The following CNTLN variants were observed in gnomAD, a reference collection of about 807,000 sequenced individuals.
CNTLN encodes the protein centlein, centrosomal protein.
A neutral mutation model predicts 180.0 loss-of-function variants in CNTLN; 212 were observed. The observed-to-expected ratio is 1.18, with a 90% confidence interval of 1.05 to 1.32. CNTLN has a LOEUF of 1.32. Ranked by LOEUF, CNTLN falls within the 40% of genes most tolerant of loss-of-function variation. The probability of loss-of-function intolerance (pLI) is 0.00; values close to 1 mark genes in which losing one functional copy is unlikely to be tolerated. For synonymous variants in CNTLN, 722 were observed against 563.1 expected (o/e 1.28, Z -3.99); for missense variants, 2,095 against 1,610.9 (o/e 1.30, Z -5.14).
chr9:17,214,484 A>G (rs1587184311), intron 2 of CNTLN, among the ~76,000 whole-genome samples: 2 of 152,202 alleles, frequency 1.3e-5, no homozygotes, highest in East Asian at 1.9e-4. Flanking sequence ...GGCTGCCCTT[A>G]ATATTTTTTC....
At chr9:17,307,972 CCACACACACACACACACA>C (rs3837233) in intron 7 of CNTLN, among the ~76,000 whole-genome samples, 26 of 137,908 alleles carry the variant, frequency 1.9e-4, no homozygotes, top group South Asian at 5.1e-4. Context: ...GCCTTTAAAA[CCACACACACACACACACA>C]CACACACACA....
intron 12 of CNTLN, among the ~76,000 whole-genome samples, chr9:17,356,662 C>G (rs949686628): frequency 6.6e-6 from 1 of 152,082 alleles, no homozygotes; most frequent in Non-Finnish European, 1.5e-5. Context: ...TTTTGCTTTC[C>G]TTTGTTACTT....
At chr9:17,239,453 A>G (rs1825357404) in intron 5 of CNTLN, among the ~76,000 whole-genome samples, 1 of 151,854 alleles carries the variant, frequency 6.6e-6, no homozygotes, top group Non-Finnish European at 1.5e-5. Context: ...GTGTTCTTAA[A>G]ATACCAGGTT....
intron 12 of CNTLN, among the ~76,000 whole-genome samples, chr9:17,355,000 C>A (rs1217148455): frequency 6.6e-6 from 1 of 151,800 alleles, no homozygotes; most frequent in African/African-American, 2.4e-5. Context: ...AGGTCTGCAG[C>A]TTCACTCCTG....
intron 2 of CNTLN, among the ~76,000 whole-genome samples, chr9:17,204,514 C>A (rs1822776964): frequency 6.6e-6 from 1 of 152,290 alleles, no homozygotes; most frequent in South Asian, 2.1e-4. Flanking sequence ...TGGAGAACAG[C>A]AGTGATTGCT....
chr9:17,194,110 A>G (rs896998758), intron 2 of CNTLN, among the ~76,000 whole-genome samples: 1 of 151,724 alleles, frequency 6.6e-6, no homozygotes, highest in Non-Finnish European at 1.5e-5. Flanking sequence ...CCACAAAACC[A>G]TTTTCTCCTA....
At chr9:17,372,881 G>A (rs1824444752) in intron 13 of CNTLN, among the ~76,000 whole-genome samples, 1 of 152,062 alleles carries the variant, frequency 6.6e-6, no homozygotes, top group Non-Finnish European at 1.5e-5. Flanking sequence ...AAAAACCATA[G>A]GATCATTTTA....
intron 6 of CNTLN, among the ~76,000 whole-genome samples, chr9:17,282,285 C>G (rs1349167177): frequency 6.6e-6 from 1 of 152,118 alleles, no homozygotes; most frequent in Admixed American, 6.6e-5. Context: ...TCCATTCTGA[C>G]TGGTGTGAGA....
intron 18 of CNTLN, among the ~76,000 whole-genome samples, chr9:17,429,374 A>G (rs1274851752): frequency 6.6e-6 from 1 of 152,068 alleles, no homozygotes; most frequent in Non-Finnish European, 1.5e-5. Context: ...GTATGACTAT[A>G]TTCGCTACAG....
In CNTLN at chr9:17,226,230, C is replaced by T; in HGVS notation, c.477C>T (p.Asp159=). Residue 159 remains aspartate, a synonymous_variant, in exon 3 of 26, where the codon GAC becomes GAT. Coordinates refer to ENST00000380647, the MANE Select transcript of CNTLN (RefSeq NM_017738.4). ...EREKQKSEAK[D]RKVLEILQVK... ...AAAAACAGAAATCTGAAGCTAAAGA[C>T]AGAAAAGTTCTAGAAATTCTGCAAG... 6.3e-7 allele frequency: 1 copy of T among 1,578,800 alleles called. No individual in the cohort carries two copies. Among genetic ancestry groups the T allele is most frequent in the Non-Finnish European group, 8.6e-7 (1 of 1,162,528 alleles).
intron 25 of CNTLN, among the ~76,000 whole-genome samples, chr9:17,498,457 T>A (rs1453681013): frequency 6.6e-6 from 1 of 152,124 alleles, no homozygotes; most frequent in East Asian, 1.9e-4. Flanking sequence ...AAAATCTGTG[T>A]GAAATCAGGG....
At chr9:17,365,434 T>G (rs893262598) in intron 12 of CNTLN, among the ~76,000 whole-genome samples, 2 of 152,110 alleles carry the variant, frequency 1.3e-5, no homozygotes, top group African/African-American at 4.8e-5. Flanking sequence ...AGGTTTTTTT[T>G]ATAGCAAAGT....
chr9:17,385,850 G>A (rs377658347), intron 13 of CNTLN, among the ~76,000 whole-genome samples: 12 of 152,164 alleles, frequency 7.9e-5, no homozygotes, highest in African/African-American at 1.9e-4. Context: ...AGGGACTTGA[G>A]CATGGTTGGA....
At position 17,402,976 on chromosome 9, in the gene CNTLN, C is replaced by T. The variant is rs146871746; in HGVS notation, c.2616-6317C>T. Among the ~76,000 whole-genome samples the T allele has an allele frequency of 1.1e-3, 166 of 151,860 alleles. 1 individual carries two copies. Among genetic ancestry groups the T allele is most frequent in the Non-Finnish European group, 1.9e-3 (131 of 68,022 alleles). ...CCTGACTAATCCACCTCTCTACTTC[C>T]CACTCCCACTCCAAAAAAAGTAGTG... is the stretch of plus-strand genomic sequence containing the variant. On this transcript the variant is annotated intron_variant, in intron 15 of 25. Transcript: ENST00000380647.
intron 18 of CNTLN, among the ~76,000 whole-genome samples, chr9:17,429,255 C>T (rs1829270476): frequency 6.6e-6 from 1 of 152,020 alleles, no homozygotes; most frequent in East Asian, 1.9e-4. Context: ...ATATATAAGA[C>T]TTCTTAGCTG....
At position 17,484,322 on chromosome 9, in the gene CNTLN, G is replaced by A; in HGVS notation, c.3883G>A (p.Val1295Ile). The A allele has an allele frequency of 1.9e-6, 3 of 1,603,820 alleles. No individual in the cohort carries two copies. The highest frequency in any genetic ancestry group is 2.5e-6 in the Non-Finnish European group (3 of 1,177,322). Reference protein sequence around the residue: ...KALAKELQNDVHVVRRQIREL... With the variant: ...KALAKELQNDIHVVRRQIREL... The stretch of plus-strand genomic sequence containing the variant: ...TTTGGCCAAAGAGTTGCAAAATGAT[G>A]TCCATGTGGTAAGGCGACAAATAAG... Residue 1295 changes from valine (V) to isoleucine (I), a missense_variant, in exon 24 of 26, where the codon GTC becomes ATC. Val to Ile is a conservative substitution (Grantham distance 29). Transcript: ENST00000380647.
chr9:17,260,221 A>G (rs1826850117), intron 5 of CNTLN, among the ~76,000 whole-genome samples: 1 of 148,944 alleles, frequency 6.7e-6, no homozygotes, highest in Non-Finnish European at 1.5e-5. Context: ...TTCTGCCTTC[A>G]TTTCGTTATG....
the CNTLN span, among the ~76,000 whole-genome samples, chr9:17,513,552 C>G: frequency 6.6e-6 from 1 of 151,904 alleles, no homozygotes; most frequent in South Asian, 2.1e-4. Flanking sequence ...AAAAAACTAG[C>G]CTGGTGTGGT....
At chr9:17,187,391 G>T (rs965573478) in intron 2 of CNTLN, among the ~76,000 whole-genome samples, 2 of 152,064 alleles carry the variant, frequency 1.3e-5, no homozygotes, top group African/African-American at 4.8e-5. Context: ...ATGTTTTTAA[G>T]GTTGAGAAAA....
Sources: allele counts gnomAD v4.1 joint callset (sites outside exome capture counted in the v4.1 genomes callset), GRCh38; gene constraint gnomAD v4.1.1; transcripts MANE v1.5; gene names NCBI Gene and HGNC (gene_info 2026-07-23, HGNC 2026-07-21).